The following PLXNB3 variants were observed in gnomAD, a reference collection of about 807,000 sequenced individuals.
PLXNB3 encodes plexin-B3.
PLXNB3 carries 80 observed loss-of-function variants against 125.7 expected under a neutral mutation model. The ratio of observed to expected loss-of-function variants is 0.64; its 90% confidence interval spans 0.53 to 0.77. The LOEUF (loss-of-function observed/expected upper bound fraction) is 0.77. Ranked by LOEUF, PLXNB3 falls within the 30% of genes least tolerant of loss-of-function variation. The pLI is 0.00. For synonymous variants in PLXNB3, 954 were observed against 783.3 expected (o/e 1.22, Z -3.64); for missense variants, 1,836 against 1,729.3 (o/e 1.06, Z -1.09).
intron 12 of PLXNB3, 109 bp from the exon 13 acceptor site, chrX:153,771,201 G>A (rs2091925357): frequency 2.2e-6 from 2 of 925,642 alleles, no homozygotes; most frequent in Non-Finnish European, 3.1e-6. Context: ...CCCAGTCTTG[G>A]GGGAGAGGCA....
chrX:153,769,188 C>A lies in PLXNB3; in HGVS notation c.1422C>A (p.Cys474Ter). Reference sequence around the variant, plus strand: ...TGGACCGGATACCTGTGGCAGCCTGCCCCCAGTTCCCTGACTGTGCCAGCT... The same window carrying A: ...TGGACCGGATACCTGTGGCAGCCTGACCCCAGTTCCCTGACTGTGCCAGCT... ...HQVDRIPVAA[C>*]PQFPDCASCL... Residue 474 changes from cysteine (C) to a stop codon, truncating the protein, a stop_gained, in exon 6 of 36, where the codon TGC becomes TGA. Coordinates refer to ENST00000361971, the MANE Select transcript of PLXNB3 (RefSeq NM_005393.3). LOFTEE classifies it high-confidence loss of function. 8.4e-7 allele frequency: 1 copy of A among 1,183,701 alleles called. No homozygotes were observed. Among genetic ancestry groups the A allele is most frequent in the Non-Finnish European group, 1.1e-6 (1 of 881,191 alleles).
At chrX:153,776,712 T>G (rs1313793647) in intron 28 of PLXNB3, among the ~76,000 whole-genome samples, 175 bp from the exon 29 acceptor site, 2 of 32,585 alleles carry the variant, frequency 6.1e-5, no homozygotes, top group Non-Finnish European at 9.6e-5. Flanking sequence ...GGGGCGGGGA[T>G]GGGGGGCGGG....
Position 153,767,354 on chromosome X carries a change from T to C in PLXNB3, c.527T>C (p.Leu176Pro), listed in dbSNP as rs2091869987. ...ANTPGVATVG[L>P]VVPLPGRDLL... ...ACCCCGGGAGTGGCAACGGTGGGGC[T>C]GGTGGTGCCCTTGCCCGGCCGGGAC... Residue 176 changes from leucine (L) to proline (P), a missense_variant, in exon 3 of 36, where the codon CTG (leucine) becomes CCG (proline). By Grantham distance (98) the Leu-to-Pro change is moderately conservative. Coordinates refer to ENST00000361971, the MANE Select transcript of PLXNB3 (RefSeq NM_005393.3). 8.3e-7 allele frequency: 1 copy of C among 1,198,649 alleles called. No homozygotes were observed. Among genetic ancestry groups the C allele is most frequent in the Non-Finnish European group, 1.1e-6 (1 of 889,500 alleles).
In PLXNB3 at chrX:153,764,340, TG is replaced by T. The variant is rs2091834399; in HGVS notation, c.-66+40del. On this transcript the variant is annotated intron_variant, in intron 1 of 35. Coordinates refer to ENST00000361971, the MANE Select transcript of PLXNB3 (RefSeq NM_005393.3). Reference sequence around the variant, plus strand: ...GCTGGGGCAGGCTTGGGCTTGGGCTTGGGGTGCAGGGGCTACCAGCCTCAGG... The same window carrying T: ...GCTGGGGCAGGCTTGGGCTTGGGCTTGGGTGCAGGGGCTACCAGCCTCAGG... 2.7e-5 allele frequency: 3 copies of T among 112,656 alleles called. No individual in the cohort carries two copies. The Admixed American group carries it at 2.8e-4, about 10-fold the overall frequency. 9.3% of individuals were successfully genotyped at this position (112,656 alleles called of 1,213,427 possible).
intron 2 of PLXNB3, chrX:153,765,890 G>A: frequency 1.3e-6 from 1 of 754,165 alleles, no homozygotes; most frequent in Non-Finnish European, 1.6e-6. Flanking sequence ...AGAAGGGGCT[G>A]CTCCCACCTC....
intron 1 of PLXNB3, among the ~76,000 whole-genome samples, 167 bp from the exon 2 acceptor site, chrX:153,765,304 C>T (rs781815637): frequency 8.9e-6 from 1 of 112,927 alleles, no homozygotes; most frequent in Non-Finnish European, 1.9e-5. Context: ...ACAGAGGGAA[C>T]ATTGTTGTGG....
chrX:153,768,271 G>T lies in PLXNB3; in HGVS notation c.1109G>T (p.Cys370Phe). 8.4e-7 allele frequency: 1 copy of T among 1,195,879 alleles called. No individual in the cohort carries two copies. The highest frequency in any genetic ancestry group is 1.8e-5 in the South Asian group (1 of 56,066). ...TAGGATTCCCCCGAGTCGTACCCCT[G>T]TGGCGACGAGCACACCCCCAGCCCC... is the stretch of plus-strand genomic sequence containing the variant. ...LPLDSPESYP[C>F]GDEHTPSPIA... Residue 370 changes from cysteine to phenylalanine, a missense_variant, in exon 4 of 36, where the codon TGT (cysteine) becomes TTT (phenylalanine). By Grantham distance (205) the Cys-to-Phe change is radical. Coordinates refer to ENST00000361971, the MANE Select transcript of PLXNB3 (RefSeq NM_005393.3).
chrX:153,776,261 C>T, intron 27 of PLXNB3, 47 bp downstream of exon 27: 4 of 1,054,476 alleles, frequency 3.8e-6, no homozygotes, highest in Middle Eastern at 2.6e-4. Context: ...CCTTCCCTAC[C>T]CCTCCGGCAC....
chrX:153,773,816 G>A (rs199827842), intron 19 of PLXNB3, 43 bp from the exon 20 acceptor site: 3 of 1,207,450 alleles, frequency 2.5e-6, no homozygotes, highest in Admixed American at 4.4e-5. Context: ...GCACAGCAGA[G>A]CCCAGCTCAC....
chrX:153,774,812 T>C lies in PLXNB3; in HGVS notation c.3931+6T>C. The C allele has an allele frequency of 1.7e-6, 2 of 1,209,056 alleles. No individual in the cohort carries two copies. The highest frequency in any genetic ancestry group is 2.2e-6 in the Non-Finnish European group (2 of 894,405). On this transcript the variant is annotated splice_donor_region_variant and intron_variant, in intron 23 of 35. Coordinates refer to ENST00000361971, the MANE Select transcript of PLXNB3 (RefSeq NM_005393.3). ...GTGCCGCAAGGAGTTCACAGGTGGG[T>C]GCGGAGGCGGGGGGACAGGGTACCC...
chrX:153,765,380 G>A lies in PLXNB3; in HGVS notation c.-65-91G>A, dbSNP rs2091845864. 7.5e-6 allele frequency: 5 copies of A among 666,415 alleles called. No homozygotes were observed. The South Asian group carries it at 8.2e-5, about 11-fold the overall frequency. The allele number at this position is 666,415 out of a possible 1,213,427, so 54.9% of individuals were successfully genotyped here. ...CTGCCAGCTGTGAGGGAGCCCGGTC[G>A]CTAGGCCCTGGGCGCCACCCCCACC... On this transcript the variant is annotated intron_variant, in intron 1 of 35. Coordinates refer to ENST00000361971, the MANE Select transcript of PLXNB3 (RefSeq NM_005393.3).
chrX:153,765,792 T>C lies in PLXNB3; in HGVS notation c.45+212T>C, dbSNP rs28442045. 5.8e-3 allele frequency: 4,393 copies of C among 753,195 alleles called. 155 individuals are homozygous for C. The African/African-American group carries it at 0.093, about 16-fold the overall frequency. The allele number at this position is 753,195 out of a possible 1,213,427, so 62.1% of individuals were successfully genotyped here. A position where few individuals can be genotyped will look rare whatever the true frequency, so the allele number is the denominator to read the frequency against. ...CTGGGCCTTCCTCCAGGCGCTGCTC[T>C]GCCCTGAGTCGCAGCGGCCCCACTC... is the stretch of plus-strand genomic sequence containing the variant. On this transcript the variant is annotated intron_variant, in intron 2 of 35. Coordinates refer to ENST00000361971, the MANE Select transcript of PLXNB3 (RefSeq NM_005393.3).
At chrX:153,770,727 T>C in intron 10 of PLXNB3, 31 bp from the exon 11 acceptor site, 1 of 1,204,324 alleles carries the variant, frequency 8.3e-7, no homozygotes, top group Non-Finnish European at 1.1e-6. Context: ...CCCTTTGAGT[T>C]CTGAAGGGCT....
chrX:153,771,669 C>G lies in PLXNB3; in HGVS notation c.2517+14C>G. The G allele has an allele frequency of 1.7e-6, 2 of 1,168,639 alleles. No individual in the cohort carries two copies. Among genetic ancestry groups the G allele is most frequent in the Non-Finnish European group, 2.3e-6 (2 of 874,631 alleles). On this transcript the variant is annotated intron_variant, in intron 14 of 35. Coordinates refer to ENST00000361971, the MANE Select transcript of PLXNB3 (RefSeq NM_005393.3). Reference sequence around the variant, plus strand: ...AGCATTGATGCAGTGAGTCTCCTGCCGGGCCCCCACAGCCCAGTGGCCCAC... The same window carrying G: ...AGCATTGATGCAGTGAGTCTCCTGCGGGGCCCCCACAGCCCAGTGGCCCAC...
Position 153,778,625 on chromosome X carries a change from T to TG in PLXNB3, c.5578dup (p.Glu1860GlyfsTer15), listed in dbSNP as rs782189328. ...AACTACACTTCTGCTCCCCACTGTCTGGAGGCTCTGCAAGAACTCTACAAC... is the reference window on the plus strand; with the variant it reads ...AACTACACTTCTGCTCCCCACTGTCTGGGAGGCTCTGCAAGAACTCTACAAC... On this transcript the variant is annotated frameshift_variant, in exon 35 of 36. Coordinates refer to ENST00000361971, the MANE Select transcript of PLXNB3 (RefSeq NM_005393.3). LOFTEE classifies it high-confidence loss of function. 6.6e-6 allele frequency: 8 copies of TG among 1,205,361 alleles called. No homozygotes were observed. Among genetic ancestry groups the TG allele is most frequent in the Non-Finnish European group, 5.6e-6 (5 of 891,799 alleles).
rs1337959515 is a variant in PLXNB3 at position 153,767,839 on chromosome X, G to A, written c.1012G>A (p.Gly338Ser). The A allele has an allele frequency of 3.5e-6, 4 of 1,143,593 alleles. No individual in the cohort carries two copies. Among genetic ancestry groups the A allele is most frequent in the East Asian group, 3.3e-5 (1 of 30,400 alleles). The allele number at this position is 1,143,593 out of a possible 1,213,427, so 94.2% of individuals were successfully genotyped here. Reference protein sequence around the residue: ...QARRLCYTAGGRGPSGAEEAT... With the variant: ...QARRLCYTAGSRGPSGAEEAT... ...CCGGAGACTCTGCTACACGGCGGGC[G>A]GCCGGGGCCCCAGCGGCGCAGAGGA... Residue 338 changes from glycine (G) to serine (S), a missense_variant, in exon 3 of 36, where the codon GGC (glycine) becomes AGC (serine). By Grantham distance (56) the Gly-to-Ser change is moderately conservative. Transcript: ENST00000361971.
At chrX:153,773,101 T>G in intron 17 of PLXNB3, 85 bp downstream of exon 17, 1 of 1,072,680 alleles carries the variant, frequency 9.3e-7, no homozygotes. Flanking sequence ...GTGGTTGCTG[T>G]GGCCACCCCC....
In PLXNB3 at chrX:153,773,979, G is replaced by A. The variant is rs920485568; in HGVS notation, c.3400G>A (p.Ala1134Thr). The change falls in exon 20 of 36, where the codon GCC becomes ACC. Residue 1134 changes from alanine to threonine, a missense_variant. Ala to Thr is a moderately conservative substitution (Grantham distance 58, BLOSUM62 0). Coordinates refer to ENST00000361971, the MANE Select transcript of PLXNB3 (RefSeq NM_005393.3). Reference sequence around the variant, plus strand: ...CCTAGACAACGTGCAAGTGGACTTCGCCAGTGCCAGTGGGGGCCAGGGCTT... The same window carrying A: ...CCTAGACAACGTGCAAGTGGACTTCACCAGTGCCAGTGGGGGCCAGGGCTT... ...FTLDNVQVDF[A>T]SASGGQGFLY... 21 of 1,208,622 alleles carry A rather than the reference G, an allele frequency of 1.7e-5. No homozygotes were observed. The highest frequency in any genetic ancestry group is 1.3e-4 in the Admixed American group (6 of 45,909).
At chrX:153,772,829 G>A (rs1351900115) in intron 16 of PLXNB3, 57 bp from the exon 17 acceptor site, 3 of 1,066,938 alleles carry the variant, frequency 2.8e-6, no homozygotes, top group Non-Finnish European at 2.4e-6. Context: ...CATGGCCCAG[G>A]GGGGTGAAAG....
Sources: allele counts gnomAD v4.1 joint callset (sites outside exome capture counted in the v4.1 genomes callset), GRCh38; gene constraint gnomAD v4.1.1; transcripts MANE v1.5; gene names NCBI Gene and HGNC (gene_info 2026-07-23, HGNC 2026-07-21).